ALK: variants seen among roughly 807,000 people sequenced by gnomAD.
ALK encodes the protein ALK receptor tyrosine kinase, also known as ALK tyrosine kinase receptor.
In ALK, 74 loss-of-function variants were observed where a neutral mutation model predicts 163.1. The observed-to-expected ratio is 0.45, with a 90% CI of 0.38 to 0.55. The LOEUF (loss-of-function observed/expected upper bound fraction) is 0.55. ALK is among the 20% of genes least tolerant of loss of function. The probability of loss-of-function intolerance (pLI) is 0.00; values close to 1 mark genes in which losing one functional copy is unlikely to be tolerated. For missense variants in ALK, 2,063 were observed against 2,105.3 expected, an observed-to-expected ratio of 0.98 and a Z score of 0.39; for synonymous variants, 960 against 843.2, an observed-to-expected ratio of 1.14 and a Z score of -2.40.
At chr2:29,364,412 A>T (rs950327545) in intron 5 of ALK, among the ~76,000 whole-genome samples, 3 of 152,164 alleles carry the variant, frequency 2.0e-5, no homozygotes, top group Non-Finnish European at 4.4e-5. Context: ...CATGGACTTC[A>T]TGTCACTGCT....
chr2:29,697,626 G>A (rs1350381958), intron 2 of ALK, among the ~76,000 whole-genome samples: 1 of 152,070 alleles, frequency 6.6e-6, no homozygotes, highest in Non-Finnish European at 1.5e-5. Context: ...CCGAAGCCGT[G>A]GGAATAAGAA....
chr2:29,742,340 G>A (rs1321024240), intron 1 of ALK, among the ~76,000 whole-genome samples: 1 of 152,214 alleles, frequency 6.6e-6, no homozygotes, highest in African/African-American at 2.4e-5. Context: ...GAACACCCTT[G>A]TGACCAAGGG....
At chr2:29,465,401 C>T (rs1422845539) in intron 4 of ALK, among the ~76,000 whole-genome samples, 2 of 152,000 alleles carry the variant, frequency 1.3e-5, no homozygotes, top group Non-Finnish European at 2.9e-5. Context: ...CTATAAGGAA[C>T]GTTAAAAGTA....
intron 3 of ALK, among the ~76,000 whole-genome samples, chr2:29,669,200 A>G (rs1677608596): frequency 6.6e-6 from 1 of 152,040 alleles, no homozygotes; most frequent in Admixed American, 6.6e-5. Context: ...GGGGTGTTAA[A>G]GTCTCTTACT....
At chr2:29,216,930 G>GT (rs1553393091) in intron 23 of ALK, among the ~76,000 whole-genome samples, 7 of 131,464 alleles carry the variant, frequency 5.3e-5, no homozygotes, top group African/African-American at 8.0e-5. Context: ...TATGGTGTGT[G>GT]GGGGGTGTGT....
chr2:29,458,006 A>G (rs1023269824), intron 4 of ALK, among the ~76,000 whole-genome samples: 5 of 152,142 alleles, frequency 3.3e-5, no homozygotes, highest in African/African-American at 1.2e-4. Flanking sequence ...AGCCTTTGTG[A>G]AAGCTTACCG....
chr2:29,376,852 C>T (rs548613264), intron 5 of ALK, among the ~76,000 whole-genome samples: 7 of 152,350 alleles, frequency 4.6e-5, no homozygotes, highest in Non-Finnish European at 8.8e-5. Context: ...CAGCTTCTTT[C>T]GTTTCCTCTT....
In ALK at chr2:29,372,919, T is replaced by C. The variant is rs138857503; in HGVS notation, c.1282+10813A>G. 2.0e-5 allele frequency among the ~76,000 whole-genome samples: 3 copies of C among 152,330 alleles called. No individual in the cohort carries two copies. The East Asian group carries it at 5.8e-4, about 29-fold the overall frequency. ...GGGACAGGTGGTGAACTGGAACCAA[T>C]GTCTAAAGTGACATTTCTCTGATCA... is the stretch of plus-strand genomic sequence containing the variant. On this transcript the variant is annotated intron_variant, in intron 5 of 28. Transcript: ENST00000389048.
chr2:29,921,278 C>T lies in ALK; in HGVS notation c.-619G>A, dbSNP rs138384829. On this transcript the variant is annotated 5_prime_UTR_variant, in exon 1 of 29. Coordinates refer to ENST00000389048, the MANE Select transcript of ALK (RefSeq NM_004304.5). ...GGCTTCGGACTGTCTGCCTGCTGAA[C>T]TTCTGGGCGTGAATCCCAGCCCCCG... 300 of 233,398 alleles carry T rather than the reference C, an allele frequency of 1.3e-3. No individual in the cohort carries two copies. The highest frequency in any genetic ancestry group is 6.2e-3 in the African/African-American group (284 of 45,480). 14.5% of individuals were successfully genotyped at this position (233,398 alleles called of 1,614,324 possible).
intron 4 of ALK, among the ~76,000 whole-genome samples, chr2:29,384,827 C>A (rs182479682): frequency 6.6e-6 from 1 of 151,918 alleles, no homozygotes; most frequent in African/African-American, 2.4e-5. Flanking sequence ...CCAAGGTGGG[C>A]GGATCATGAG....
intron 19 of ALK, 136 bp from the exon 20 acceptor site, chr2:29,223,664 A>G (rs1023799615): frequency 1.4e-6 from 1 of 733,782 alleles, no homozygotes; most frequent in Non-Finnish European, 2.3e-6. Context: ...CATACTTAGA[A>G]ATACTAATAA....
At chr2:29,684,685 C>T (rs574600656) in intron 3 of ALK, among the ~76,000 whole-genome samples, 8 of 152,322 alleles carry the variant, frequency 5.3e-5, no homozygotes, top group Non-Finnish European at 8.8e-5. Flanking sequence ...CCCAGTATCA[C>T]TGGTATCTGG....
intron 1 of ALK, chr2:29,892,462 G>A (rs1029018642): frequency 5.3e-5 from 8 of 152,204 alleles, no homozygotes; most frequent in African/African-American, 1.9e-4. Flanking sequence ...GTTGGACTGT[G>A]ATTTCTGAAT....
chr2:29,908,448 TGAA>T (rs1667609630), intron 1 of ALK, among the ~76,000 whole-genome samples: 1 of 152,216 alleles, frequency 6.6e-6, no homozygotes, highest in East Asian at 1.9e-4. Flanking sequence ...CCTTCTCTTT[TGAA>T]GTAAAAAGCT....
At chr2:29,406,999 T>C (rs954420794) in intron 4 of ALK, among the ~76,000 whole-genome samples, 1 of 152,244 alleles carries the variant, frequency 6.6e-6, no homozygotes, top group Admixed American at 6.5e-5. Flanking sequence ...TTTCTTCTTC[T>C]GCACATTCTG....
At chr2:29,896,467 T>C (rs1170563598) in intron 1 of ALK, among the ~76,000 whole-genome samples, 1 of 152,104 alleles carries the variant, frequency 6.6e-6, no homozygotes, top group Non-Finnish European at 1.5e-5. Context: ...GGCTCTAATC[T>C]AACAGGATTC....
intron 4 of ALK, among the ~76,000 whole-genome samples, chr2:29,436,265 T>A (rs557467290): frequency 6.6e-6 from 1 of 152,232 alleles, no homozygotes; most frequent in South Asian, 2.1e-4. Flanking sequence ...ACTGATAAAA[T>A]TCTTACTGAT....
chr2:29,392,243 A>T (rs1669192007), intron 4 of ALK, among the ~76,000 whole-genome samples: 1 of 152,132 alleles, frequency 6.6e-6, no homozygotes, highest in Non-Finnish European at 1.5e-5. Context: ...CATCATCCTC[A>T]TTTTATAAGA....
chr2:29,351,111 G>C (rs1404229173), intron 5 of ALK, among the ~76,000 whole-genome samples: 2 of 152,134 alleles, frequency 1.3e-5, no homozygotes, highest in African/African-American at 4.8e-5. Flanking sequence ...TTTGAACATG[G>C]GACACGTTTT....
Sources: gnomAD v4.1 joint callset for allele counts (sites outside exome capture counted in the v4.1 genomes callset) on GRCh38, gnomAD v4.1.1 for gene constraint, MANE v1.5 for transcripts, NCBI Gene and HGNC (gene_info 2026-07-23, HGNC 2026-07-21) for gene names.